RNF170: variants seen among roughly 807,000 people sequenced by gnomAD.
RNF170 encodes the protein E3 ubiquitin-protein ligase RNF170.
Under a neutral mutation model 32.7 loss-of-function variants are expected in RNF170, and 12 were observed. That is an observed-to-expected ratio of 0.37 (90% CI 0.24 to 0.60). RNF170 has a LOEUF of 0.60. Ranked by LOEUF, RNF170 falls within the 20% of genes least tolerant of loss-of-function variation. The pLI is 0.72. For synonymous variants in RNF170, 91 were observed against 103.6 expected (o/e 0.88, Z 0.74); for missense variants, 212 against 311.2 (o/e 0.68, Z 2.40).
rs1243134496 is a variant in RNF170 at position 42,855,160 on chromosome 8, GGAT to G, written c.*996_*998del. The G allele has an allele frequency of 7.8e-7, 1 of 1,286,756 alleles. No individual in the cohort carries two copies. Among genetic ancestry groups the G allele is most frequent in the East Asian group, 5.5e-5 (1 of 18,028 alleles). The allele number at this position is 1,286,756 out of a possible 1,614,324, so 79.7% of individuals were successfully genotyped here. On this transcript the variant is annotated 3_prime_UTR_variant, in exon 7 of 7. Coordinates refer to ENST00000527424, the MANE Select transcript of RNF170 (RefSeq NM_030954.4). The stretch of plus-strand genomic sequence containing the variant: ...AATTACTTTTATATCTACTACGAAA[GGAT>G]GAGCTCTTGTTTAAATGTCTAACTG...
chr8:42,862,949 T>A (rs1053027011), intron 5 of RNF170, among the ~76,000 whole-genome samples: 1 of 152,146 alleles, frequency 6.6e-6, no homozygotes, highest in Non-Finnish European at 1.5e-5. Flanking sequence ...AATGCTGCTG[T>A]GAGAGCGAGG....
At chr8:42,863,477 C>G (rs1803817204) in intron 5 of RNF170, among the ~76,000 whole-genome samples, 1 of 152,154 alleles carries the variant, frequency 6.6e-6, no homozygotes, top group Non-Finnish European at 1.5e-5. Context: ...CAGTCTCGCT[C>G]TGTCTCCAGG....
downstream of RNF170, chr8:42,850,738 T>G: frequency 6.5e-7 from 1 of 1,549,406 alleles, no homozygotes; most frequent in Non-Finnish European, 8.7e-7. Context: ...TGCCTACTTT[T>G]GCACTACTTT....
In RNF170 at chr8:42,891,901, GAC is replaced by G. The variant is rs142453869; in HGVS notation, c.-7-4032_-7-4031del. 3.7e-3 allele frequency among the ~76,000 whole-genome samples: 556 copies of G among 152,256 alleles called. 12 individuals carry two copies. The East Asian group carries it at 0.055, about 15-fold the overall frequency. ...AAAACCAGACCATCACCCTCCCTAG[GAC>G]ACAGTTTCACAGTTTCAATTCTTTC... On this transcript the variant is annotated intron_variant, in intron 1 of 6. Transcript: ENST00000527424.
At chr8:42,879,928 C>T (rs1325811453) in intron 2 of RNF170, among the ~76,000 whole-genome samples, 1 of 152,062 alleles carries the variant, frequency 6.6e-6, no homozygotes, top group Non-Finnish European at 1.5e-5. Flanking sequence ...GCCTGCCTCG[C>T]CCTCCCAAAG....
At chr8:42,869,232 C>T (rs1345850206) in intron 4 of RNF170, among the ~76,000 whole-genome samples, 1 of 152,180 alleles carries the variant, frequency 6.6e-6, no homozygotes, top group African/African-American at 2.4e-5. Context: ...TTCTTCACAT[C>T]TCTAAAGCCT....
At chr8:42,850,345 C>T (rs888235189), downstream of RNF170, 6 of 214,336 alleles carry the variant, frequency 2.8e-5, no homozygotes, top group East Asian at 3.4e-4. Context: ...CATCGGGCTG[C>T]GTTGCATGTA....
In RNF170 at chr8:42,853,654, A is replaced by T; in HGVS notation, c.*2505T>A. 1 of 1,286,254 alleles carries T rather than the reference A, an allele frequency of 7.8e-7. No individual in the cohort carries two copies. Among genetic ancestry groups the T allele is most frequent in the Admixed American group, 2.3e-5 (1 of 43,480 alleles). The allele number at this position is 1,286,254 out of a possible 1,614,324, so 79.7% of individuals were successfully genotyped here. On this transcript the variant is annotated 3_prime_UTR_variant, in exon 7 of 7. Coordinates refer to ENST00000527424, the MANE Select transcript of RNF170 (RefSeq NM_030954.4). ...TTGTTACTTTGATTTATATGATCTA[A>T]CTCTGAATCACGGAAGTATTACTAT...
intron 2 of RNF170, among the ~76,000 whole-genome samples, chr8:42,885,689 T>TA (rs1805759924): frequency 6.6e-6 from 1 of 152,340 alleles, no homozygotes; most frequent in South Asian, 2.1e-4. Flanking sequence ...CATTTTTTCA[T>TA]AAACCTTTTG....
chr8:42,876,219 T>TATATATTTTAAAAATATATTTAAATAGA lies in RNF170; in HGVS notation c.138-2241_138-2214dup, dbSNP rs1483708400. On this transcript the variant is annotated intron_variant, in intron 2 of 6. Coordinates refer to ENST00000527424, the MANE Select transcript of RNF170 (RefSeq NM_030954.4). The stretch of plus-strand genomic sequence containing the variant: ...TTAAATCTGGTGGTAGAATATTTAA[T>TATATATTTTAAAAATATATTTAAATAGA]ATATATTTTAAAAATATATTTAAAT... Among the ~76,000 whole-genome samples, 18 of 149,748 alleles carry TATATATTTTAAAAATATATTTAAATAGA rather than the reference T, an allele frequency of 1.2e-4. No homozygotes were observed. In the East Asian group the frequency reaches 2.5e-3, roughly 21 times the overall value.
chr8:42,880,432 A>G (rs1805299823), intron 2 of RNF170, among the ~76,000 whole-genome samples: 1 of 152,218 alleles, frequency 6.6e-6, no homozygotes, highest in African/African-American at 2.4e-5. Context: ...ATCTTTTGTG[A>G]AAGGAAAAGT....
At chr8:42,869,119 AGGCT>A (rs961779685) in intron 4 of RNF170, among the ~76,000 whole-genome samples, 1 of 152,104 alleles carries the variant, frequency 6.6e-6, no homozygotes, top group Admixed American at 6.6e-5. Flanking sequence ...TATGTTGCCC[AGGCT>A]GGCCTCCAAC....
chr8:42,891,967 C>G (rs2130192312), intron 1 of RNF170, among the ~76,000 whole-genome samples: 1 of 152,260 alleles, frequency 6.6e-6, no homozygotes, highest in East Asian at 1.9e-4. Context: ...AAAGCCAATA[C>G]TTGCTTCCTC....
chr8:42,858,688 A>G (rs1189958057), intron 6 of RNF170, among the ~76,000 whole-genome samples: 1 of 152,242 alleles, frequency 6.6e-6, no homozygotes, highest in Admixed American at 6.5e-5. Context: ...GGAAATCACC[A>G]TAAGAGCAGA....
chr8:42,870,720 C>A (rs1217574411), intron 3 of RNF170, among the ~76,000 whole-genome samples: 2 of 152,078 alleles, frequency 1.3e-5, no homozygotes, highest in Admixed American at 6.6e-5. Flanking sequence ...CAGAGCGAGA[C>A]CCTGTCTCAA....
At chr8:42,872,770 A>G (rs564574355) in intron 3 of RNF170, among the ~76,000 whole-genome samples, 5 of 152,188 alleles carry the variant, frequency 3.3e-5, no homozygotes, top group East Asian at 1.9e-4. Context: ...ATCAATAAAT[A>G]TAAGTTCCAT....
At chr8:42,869,503 G>C (rs144297976) in intron 4 of RNF170, among the ~76,000 whole-genome samples, 1 of 152,326 alleles carries the variant, frequency 6.6e-6, no homozygotes, top group African/African-American at 2.4e-5. Flanking sequence ...GAGAGAGACA[G>C]AGACAGAGAC....
In RNF170 at chr8:42,854,354, T is replaced by C. The variant is rs546778982; in HGVS notation, c.*1805A>G. On this transcript the variant is annotated 3_prime_UTR_variant, in exon 7 of 7. Transcript: ENST00000527424. ...AAGAAATTTTGGTGTAATGCCACTT[T>C]GATCAGTTATTTGTTGTATGACTTC... The C allele has an allele frequency of 3.2e-4, 409 of 1,287,234 alleles. 4 individuals are homozygous for C. In the South Asian group the frequency reaches 4.7e-3, roughly 15 times the overall value. 79.7% of individuals were successfully genotyped at this position (1,287,234 alleles called of 1,614,324 possible).
At chr8:42,891,810 C>T (rs369097518) in intron 1 of RNF170, among the ~76,000 whole-genome samples, 1 of 152,206 alleles carries the variant, frequency 6.6e-6, no homozygotes, top group African/African-American at 2.4e-5. Flanking sequence ...TTCAGAGTTT[C>T]GGAATAGAGA....
Sources: gnomAD v4.1 joint callset for allele counts (sites outside exome capture counted in the v4.1 genomes callset) on GRCh38, gnomAD v4.1.1 for gene constraint, MANE v1.5 for transcripts, NCBI Gene and HGNC (gene_info 2026-07-23, HGNC 2026-07-21) for gene names.